Variants in SCN11A observed in about 807,000 individuals in gnomAD.
The protein encoded by SCN11A is sodium channel protein type 11 subunit alpha.
In SCN11A, 122 loss-of-function variants were observed where a neutral mutation model predicts 162.2. The ratio of observed to expected loss-of-function variants is 0.75; its 90% CI spans 0.65 to 0.87. The LOEUF (loss-of-function observed/expected upper bound fraction) is 0.87, where lower values mean the gene tolerates loss of function less well. Ranked by LOEUF, SCN11A falls within the 40% of genes least tolerant of loss-of-function variation. The probability of loss-of-function intolerance (pLI) is 0.00; values close to 1 mark genes in which losing one functional copy is unlikely to be tolerated. For synonymous variants in SCN11A, 758 were observed against 751.5 expected (o/e 1.01, Z -0.14); for missense variants, 2,015 against 2,181.6 (o/e 0.92, Z 1.52).
At chr3:39,051,749 C>T (rs554855433) in intron 1 of SCN11A, among the ~76,000 whole-genome samples, 112 bp downstream of exon 1, 1 of 152,260 alleles carries the variant, frequency 6.6e-6, no homozygotes, top group East Asian at 1.9e-4. Flanking sequence ...GAGCGCAAGC[C>T]AGGGTCTAGG....
intron 28 of SCN11A, among the ~76,000 whole-genome samples, chr3:38,858,882 T>C (rs913172406): frequency 1.3e-5 from 2 of 152,060 alleles, no homozygotes; most frequent in Admixed American, 6.6e-5. Flanking sequence ...TTCAAAACTA[T>C]ACAAATACAT....
At chr3:39,007,050 A>T (rs986956357) in intron 2 of SCN11A, among the ~76,000 whole-genome samples, 1 of 152,150 alleles carries the variant, frequency 6.6e-6, no homozygotes, top group African/African-American at 2.4e-5. Context: ...CAAAGGAAAA[A>T]TTCAAGAAAT....
At chr3:39,016,372 G>A (rs7628160) in intron 2 of SCN11A, among the ~76,000 whole-genome samples, 15,816 of 152,166 alleles carry the variant, frequency 0.1, 881 homozygotes, top group Admixed American at 0.14. Flanking sequence ...GAAACACCCT[G>A]TCAGCTCAAG....
intron 14 of SCN11A, among the ~76,000 whole-genome samples, chr3:38,905,714 A>G (rs1254057531): frequency 6.6e-6 from 1 of 152,234 alleles, no homozygotes; most frequent in East Asian, 1.9e-4. Context: ...GTATAAATTT[A>G]GAAAGGTGGA....
intron 2 of SCN11A, among the ~76,000 whole-genome samples, chr3:38,961,072 G>A (rs938717828): frequency 2.0e-5 from 3 of 152,146 alleles, no homozygotes; most frequent in Non-Finnish European, 4.4e-5. Flanking sequence ...ACCTTCAGGA[G>A]ACTAGCTGAC....
At chr3:38,948,499 T>C (rs1296338473) in intron 5 of SCN11A, among the ~76,000 whole-genome samples, 2 of 152,176 alleles carry the variant, frequency 1.3e-5, no homozygotes, top group South Asian at 2.1e-4. Context: ...CCTGTGATGA[T>C]AAAAAGCACC....
At position 38,846,387 on chromosome 3, in the gene SCN11A, C is replaced by A. The variant is rs778870099; in HGVS notation, c.*307G>T. ...TTGGCCTCTCAAAGTGCTGGGATTA[C>A]AGGCATGAGCCACTGCGCCCGGCCT... On this transcript the variant is annotated 3_prime_UTR_variant, in exon 30 of 30. Coordinates refer to ENST00000302328, the MANE Select transcript of SCN11A (RefSeq NM_001349253.2). 1 of 284,558 alleles carries A rather than the reference C, an allele frequency of 3.5e-6. No individual in the cohort carries two copies. 17.6% of individuals were successfully genotyped at this position (284,558 alleles called of 1,614,324 possible). A position where few individuals can be genotyped will look rare whatever the true frequency, so the allele number is the denominator to read the frequency against.
chr3:38,988,998 C>T (rs1041937984), intron 2 of SCN11A, among the ~76,000 whole-genome samples: 2 of 152,162 alleles, frequency 1.3e-5, no homozygotes, highest in African/African-American at 4.8e-5. Flanking sequence ...ATCTATGTCC[C>T]TTCTCTTGAG....
intron 14 of SCN11A, among the ~76,000 whole-genome samples, chr3:38,907,351 T>G (rs1301279061): frequency 1.8e-5 from 1 of 56,354 alleles, no homozygotes; most frequent in African/African-American, 5.1e-5. Context: ...TGTATATATC[T>G]ATATATACAC....
intron 2 of SCN11A, among the ~76,000 whole-genome samples, chr3:38,963,489 T>C (rs1182788641): frequency 1.4e-5 from 2 of 142,506 alleles, no homozygotes; most frequent in Non-Finnish European, 3.0e-5. Flanking sequence ...ATATATATGA[T>C]GGAGATATAT....
chr3:38,934,604 A>G (rs879918578), intron 7 of SCN11A, among the ~76,000 whole-genome samples: 4 of 152,096 alleles, frequency 2.6e-5, no homozygotes, highest in Non-Finnish European at 4.4e-5. Context: ...CAGACTTTAA[A>G]CCAACAAAGA....
At chr3:39,005,498 C>T (rs1047226357) in intron 2 of SCN11A, among the ~76,000 whole-genome samples, 1 of 152,186 alleles carries the variant, frequency 6.6e-6, no homozygotes, top group Non-Finnish European at 1.5e-5. Flanking sequence ...TTCTAGTCTC[C>T]TACCACGTGT....
At chr3:39,044,354 C>G (rs1296893489) in intron 1 of SCN11A, among the ~76,000 whole-genome samples, 1 of 152,108 alleles carries the variant, frequency 6.6e-6, no homozygotes. Flanking sequence ...TTTTTTCTAA[C>G]AGCTGCAGAA....
intron 19 of SCN11A, among the ~76,000 whole-genome samples, chr3:38,889,719 G>A (rs887673771): frequency 5.3e-5 from 8 of 151,468 alleles, no homozygotes; most frequent in African/African-American, 1.9e-4. Context: ...AGAATGGCAG[G>A]AACCCGGGAG....
intron 2 of SCN11A, among the ~76,000 whole-genome samples, chr3:38,998,895 C>T (rs1219333179): frequency 2.1e-4 from 23 of 108,714 alleles, no homozygotes; most frequent in African/African-American, 5.3e-4. Context: ...CATCACACAC[C>T]GGGGCCTGTT....
Position 38,896,969 on chromosome 3 carries a change from A to T in SCN11A, c.2279T>A (p.Val760Glu). 1 of 1,614,156 alleles carries T rather than the reference A, an allele frequency of 6.2e-7. No homozygotes were observed. The change falls in exon 18 of 30, where the codon GTG (valine) becomes GAG (glutamate). Residue 760 changes from valine (V) to glutamate (E), a missense_variant. Physicochemically the swap from Val to Glu is moderately radical, Grantham distance 121. Coordinates refer to ENST00000302328, the MANE Select transcript of SCN11A (RefSeq NM_001349253.2). ...HMGDFWHSFLVVFRILCGEWI... is the reference protein window; with the variant it reads ...HMGDFWHSFLEVFRILCGEWI... ...TTCCCCGCAGAGGATGCGGAATACC[A>T]CTAGGAAGGAGTGCCAGAAATCCCC...
At chr3:38,950,497 G>A (rs2066596532) in intron 4 of SCN11A, 128 bp from the exon 5 acceptor site, 3 of 915,598 alleles carry the variant, frequency 3.3e-6, no homozygotes. Flanking sequence ...CTGAGGTCAG[G>A]GGCCTTGGGA....
At position 39,007,013 on chromosome 3, in the gene SCN11A, AAAG is replaced by A. The variant is rs1383194964; in HGVS notation, c.-280+25364_-280+25366del. 2.6e-5 allele frequency among the ~76,000 whole-genome samples: 4 copies of A among 152,118 alleles called. No homozygotes were observed. In the East Asian group the frequency reaches 7.7e-4, roughly 29 times the overall value. ...ATAGTAGTTTCATAGAGAGAGAGAA[AAAG>A]AAGAATTTAAGTGAAACTATTATCA... On this transcript the variant is annotated intron_variant, in intron 2 of 29. Coordinates refer to ENST00000302328, the MANE Select transcript of SCN11A (RefSeq NM_001349253.2).
At chr3:39,026,009 T>C (rs890602231) in intron 2 of SCN11A, 2 of 152,166 alleles carry the variant, frequency 1.3e-5, no homozygotes, top group Non-Finnish European at 2.9e-5. Flanking sequence ...GCAGCACATA[T>C]ACTAAAATTA....
Sources: gnomAD v4.1 joint callset for allele counts (sites outside exome capture counted in the v4.1 genomes callset) on GRCh38, gnomAD v4.1.1 for gene constraint, MANE v1.5 for transcripts, NCBI Gene and HGNC (gene_info 2026-07-23, HGNC 2026-07-21) for gene names.